USP53: variants seen among roughly 807,000 people sequenced by gnomAD.
USP53 encodes the protein ubiquitin specific peptidase 53.
Under a neutral mutation model 94.9 loss-of-function variants are expected in USP53, and 71 were observed. The observed-to-expected ratio is 0.75, with a 90% CI of 0.62 to 0.91. USP53 has a LOEUF of 0.91. USP53 is among the 40% of genes least tolerant of loss of function. USP53 has a pLI of 0.00. For synonymous variants in USP53, 375 were observed against 422.7 expected (o/e 0.89, Z 1.39); for missense variants, 1,173 against 1,281.0 (o/e 0.92, Z 1.29).
chr4:119,279,763 C>T (rs955341368), intron 17 of USP53, among the ~76,000 whole-genome samples: 2 of 152,176 alleles, frequency 1.3e-5, no homozygotes, highest in Non-Finnish European at 2.9e-5. Context: ...ATTCCATGGG[C>T]GTAGGACCCT....
intron 12 of USP53, 80 bp downstream of exon 12, chr4:119,261,944 T>C: frequency 1.8e-6 from 2 of 1,126,762 alleles, no homozygotes; most frequent in Non-Finnish European, 2.3e-6. Flanking sequence ...ATATTAATAT[T>C]CAAAAGGATG....
chr4:119,243,547 T>G (rs891126251), intron 5 of USP53, among the ~76,000 whole-genome samples: 1 of 152,134 alleles, frequency 6.6e-6, no homozygotes, highest in Non-Finnish European at 1.5e-5. Context: ...TTAACTATAA[T>G]TAGGATAATT....
At chr4:119,287,840 G>C (rs993327529) in intron 17 of USP53, among the ~76,000 whole-genome samples, 2 of 152,152 alleles carry the variant, frequency 1.3e-5, no homozygotes, top group South Asian at 2.1e-4. Flanking sequence ...ATAGTGCAGT[G>C]GCATGAGCAC....
At chr4:119,280,850 G>C (rs558071798) in intron 17 of USP53, among the ~76,000 whole-genome samples, 19 of 152,170 alleles carry the variant, frequency 1.2e-4, no homozygotes, top group Non-Finnish European at 2.6e-4. Flanking sequence ...ATATTGTGGA[G>C]AATCACGTGC....
At chr4:119,234,354 G>C (rs1217667936) in intron 3 of USP53, among the ~76,000 whole-genome samples, 1 of 152,124 alleles carries the variant, frequency 6.6e-6, no homozygotes, top group African/African-American at 2.4e-5. Flanking sequence ...TCATTTATTA[G>C]ACTGCTTTTT....
intron 7 of USP53, among the ~76,000 whole-genome samples, chr4:119,252,572 T>C (rs1224574862): frequency 6.6e-6 from 1 of 152,210 alleles, no homozygotes; most frequent in Non-Finnish European, 1.5e-5. Context: ...GTGGGATCGG[T>C]GGTGATATCC....
Position 119,271,777 on chromosome 4 carries a change from G to T in USP53, c.1917G>T (p.Met639Ile). 1.9e-6 allele frequency: 3 copies of T among 1,612,724 alleles called. No individual in the cohort carries two copies. The highest frequency in any genetic ancestry group is 2.2e-5 in the South Asian group (2 of 90,560). The stretch of plus-strand genomic sequence containing the variant: ...AGAATCCAAAGCAAAAAGGTTTAAT[G>T]ACCATATATGAAGATGAAATGAAGC... Reference protein sequence around the residue: ...PKENPKQKGLMTIYEDEMKQE... With the variant: ...PKENPKQKGLITIYEDEMKQE... Residue 639 changes from methionine to isoleucine, a missense_variant, in exon 16 of 19, where the codon ATG (methionine) becomes ATT (isoleucine). Transcript: ENST00000692078.
intron 17 of USP53, among the ~76,000 whole-genome samples, chr4:119,285,727 A>G (rs1015490950): frequency 1.4e-4 from 21 of 152,060 alleles, no homozygotes; most frequent in African/African-American, 4.8e-4. Flanking sequence ...TTCATTTAAG[A>G]TAAATACATT....
intron 17 of USP53, among the ~76,000 whole-genome samples, chr4:119,288,142 T>C (rs1449314288): frequency 6.6e-6 from 1 of 152,250 alleles, no homozygotes; most frequent in Admixed American, 6.5e-5. Context: ...ATATAGGTTA[T>C]GTCTATCAAC....
At chr4:119,253,406 T>C (rs1457156620) in intron 7 of USP53, among the ~76,000 whole-genome samples, 1 of 152,214 alleles carries the variant, frequency 6.6e-6, no homozygotes, top group African/African-American at 2.4e-5. Flanking sequence ...TGCTCCTGTA[T>C]TGGGTGCATG....
chr4:119,213,621 A>T (rs12648052), intron 1 of USP53, among the ~76,000 whole-genome samples: 1 of 137,486 alleles, frequency 7.3e-6, no homozygotes, highest in African/African-American at 2.9e-5. Flanking sequence ...GTTTTCCGAA[A>T]GTTTCCTTAT....
intron 17 of USP53, among the ~76,000 whole-genome samples, chr4:119,286,105 A>T (rs1451495632): frequency 2.0e-5 from 3 of 151,916 alleles, no homozygotes; most frequent in Admixed American, 2.0e-4. Flanking sequence ...TTTATCCATA[A>T]ATATTTATCT....
intron 17 of USP53, among the ~76,000 whole-genome samples, chr4:119,283,180 C>T (rs138923067): frequency 6.6e-6 from 1 of 151,944 alleles, no homozygotes; most frequent in East Asian, 1.9e-4. Context: ...TGTTTTAGCC[C>T]CTGTTTTAAA....
At chr4:119,272,979 G>A (rs1752068035) in intron 16 of USP53, 1 of 152,116 alleles carries the variant, frequency 6.6e-6, no homozygotes, top group African/African-American at 2.4e-5. Context: ...AAAATCAACT[G>A]CTCATGTTTT....
intron 3 of USP53, among the ~76,000 whole-genome samples, chr4:119,229,356 A>C (rs1247856090): frequency 6.6e-6 from 1 of 152,000 alleles, no homozygotes; most frequent in Non-Finnish European, 1.5e-5. Context: ...TCTTATGTTT[A>C]TATGTTCATG....
In USP53 at chr4:119,293,321, C is replaced by A; in HGVS notation, c.*110C>A. 8.0e-7 allele frequency: 1 copy of A among 1,249,882 alleles called. No homozygotes were observed. The highest frequency in any genetic ancestry group is 1.1e-6 in the Non-Finnish European group (1 of 927,048). 77.4% of individuals were successfully genotyped at this position (1,249,882 alleles called of 1,614,324 possible). ...GTAATAGATAACTGGTAAAACTGAC[C>A]AACTTTTACTTCTCAGAGGCCATTT... On this transcript the variant is annotated 3_prime_UTR_variant, in exon 19 of 19. Coordinates refer to ENST00000692078, the MANE Select transcript of USP53 (RefSeq NM_001371395.1).
rs1317656688 is a variant in USP53 at position 119,261,770 on chromosome 4, G to T, written c.878G>T (p.Gly293Val). Residue 293 changes from glycine (G) to valine (V), a missense_variant, in exon 12 of 19, where the codon GGT (glycine) becomes GTT (valine). Physicochemically the swap from Gly to Val is moderately radical, Grantham distance 109. Coordinates refer to ENST00000692078, the MANE Select transcript of USP53 (RefSeq NM_001371395.1). The part of the protein sequence containing the change: ...NAKNSELNLV[G>V]MICYTSQHYC... The stretch of plus-strand genomic sequence containing the variant: ...AAAAATAGTGAACTTAACCTTGTTG[G>T]TATGATCTGCTACACCAGCCAACAT... 1 of 1,554,570 alleles carries T rather than the reference G, an allele frequency of 6.4e-7. No homozygotes were observed. Among genetic ancestry groups the T allele is most frequent in the Non-Finnish European group, 8.8e-7 (1 of 1,139,578 alleles).
At chr4:119,223,481 A>T (rs964754189) in intron 3 of USP53, among the ~76,000 whole-genome samples, 1 of 152,176 alleles carries the variant, frequency 6.6e-6, no homozygotes, top group Non-Finnish European at 1.5e-5. Context: ...GCATATCCCA[A>T]TTTGAAGATC....
rs373623738 is a variant in USP53 at position 119,280,822 on chromosome 4, G to A, written c.2251+7114G>A. On this transcript the variant is annotated intron_variant, in intron 17 of 18. Coordinates refer to ENST00000692078, the MANE Select transcript of USP53 (RefSeq NM_001371395.1). ...CCCAGGCTAAGGGGATATGGGTGAG[G>A]AGGACATAAAGGAAGATATATTGTG... Among the ~76,000 whole-genome samples the A allele has an allele frequency of 4.6e-5, 7 of 152,294 alleles. No homozygotes were observed. In the East Asian group the frequency reaches 1.2e-3, roughly 25 times the overall value.
Sources: allele counts gnomAD v4.1 joint callset (sites outside exome capture counted in the v4.1 genomes callset), GRCh38; gene constraint gnomAD v4.1.1; transcripts MANE v1.5; gene names NCBI Gene and HGNC (gene_info 2026-07-23, HGNC 2026-07-21).